The following DMD variants were observed in gnomAD, a reference collection of about 807,000 sequenced individuals.
DMD encodes the protein mutant dystrophin.
In DMD, 63 loss-of-function variants were observed where a neutral mutation model predicts 330.1. That is an observed-to-expected ratio of 0.19 (90% CI 0.16 to 0.24). DMD has a LOEUF of 0.24. Ranked by LOEUF, DMD falls within the 10% of genes least tolerant of loss-of-function variation. The probability of loss-of-function intolerance (pLI) is 1.00; values close to 1 mark genes in which losing one functional copy is unlikely to be tolerated. For synonymous variants in DMD, 1,223 were observed against 959.8 expected (o/e 1.27, Z -5.07); for missense variants, 3,344 against 2,684.1 (o/e 1.25, Z -5.43).
At chrX:32,895,621 TG>T (rs929847115) in intron 2 of DMD, among the ~76,000 whole-genome samples, 2 of 111,450 alleles carry the variant, frequency 1.8e-5, no homozygotes, top group African/African-American at 6.5e-5. Context: ...CCCATTCCAA[TG>T]GGACATAGTT....
At chrX:33,220,042 A>G (rs1480153663) in intron 1 of DMD, among the ~76,000 whole-genome samples, 1 of 111,734 alleles carries the variant, frequency 8.9e-6, no homozygotes, top group African/African-American at 3.3e-5. Context: ...ATGTTGGAAT[A>G]GCAATAGAAA....
chrX:32,923,232 C>T (rs746795612), intron 2 of DMD, among the ~76,000 whole-genome samples: 2 of 110,804 alleles, frequency 1.8e-5, no homozygotes, highest in South Asian at 7.6e-4. Context: ...ATTATCAAAC[C>T]CCATTATGAG....
At chrX:32,648,713 A>G (rs1165589203) in intron 9 of DMD, among the ~76,000 whole-genome samples, 1 of 112,287 alleles carries the variant, frequency 8.9e-6, no homozygotes, top group African/African-American at 3.2e-5. Context: ...CCTTGGAATA[A>G]AAGACATTTT....
chrX:32,189,099 T>A (rs1425278064), intron 44 of DMD, among the ~76,000 whole-genome samples: 1 of 110,937 alleles, frequency 9.0e-6, no homozygotes, highest in South Asian at 3.7e-4. Context: ...AAAGTATTTT[T>A]AAAATTATTT....
At chrX:32,547,134 C>T (rs917428999) in intron 16 of DMD, among the ~76,000 whole-genome samples, 3 of 111,015 alleles carry the variant, frequency 2.7e-5, no homozygotes, top group African/African-American at 9.8e-5. Flanking sequence ...TAATATTTTG[C>T]AGATTAAGAA....
At chrX:32,013,709 A>C (rs978769772) in intron 44 of DMD, among the ~76,000 whole-genome samples, 22 of 112,234 alleles carry the variant, frequency 2.0e-4, no homozygotes, top group East Asian at 8.4e-4. Context: ...AAAAGATAAG[A>C]TATTGATCAC....
At chrX:31,710,142 T>C (rs1204102519) in intron 52 of DMD, among the ~76,000 whole-genome samples, 2 of 111,625 alleles carry the variant, frequency 1.8e-5, no homozygotes, top group African/African-American at 6.5e-5. Flanking sequence ...CTAGAAATCT[T>C]TGTGGGAAAT....
At chrX:33,217,159 A>G (rs1454994552) in intron 1 of DMD, among the ~76,000 whole-genome samples, 1 of 111,365 alleles carries the variant, frequency 9.0e-6, no homozygotes, top group Non-Finnish European at 1.9e-5. Flanking sequence ...TGTTACCCAT[A>G]TTATAAGGCA....
At chrX:32,117,374 C>T (rs945958600) in intron 44 of DMD, among the ~76,000 whole-genome samples, 11 of 111,690 alleles carry the variant, frequency 9.8e-5, no homozygotes, top group Non-Finnish European at 2.1e-4. Context: ...TCATTTGATA[C>T]AAGCAAAGGT....
chrX:31,194,382 T>C lies in DMD; in HGVS notation c.9807+9579A>G, dbSNP rs201619841. On this transcript the variant is annotated intron_variant, in intron 67 of 78. Coordinates refer to ENST00000357033, the MANE Select transcript of DMD (RefSeq NM_004006.3). ...AGGGTATTGCTGGATTGCTGTTAAATTTGTGTGTAACGATAGCATTGCAGT... is the reference window on the plus strand; with the variant it reads ...AGGGTATTGCTGGATTGCTGTTAAACTTGTGTGTAACGATAGCATTGCAGT... Among the ~76,000 whole-genome samples the C allele has an allele frequency of 1.3e-4, 15 of 112,166 alleles. No individual in the cohort carries two copies. In the East Asian group the frequency reaches 3.4e-3, roughly 25 times the overall value.
At chrX:31,254,560 T>A (rs774294432) in intron 63 of DMD, among the ~76,000 whole-genome samples, 25 of 110,995 alleles carry the variant, frequency 2.3e-4, no homozygotes, top group African/African-American at 8.2e-4. Context: ...AGACGGGGTT[T>A]CACCACGTTG....
intron 47 of DMD, among the ~76,000 whole-genome samples, chrX:31,886,813 A>G (rs925415066): frequency 8.9e-6 from 1 of 111,961 alleles, no homozygotes; most frequent in African/African-American, 3.2e-5. Flanking sequence ...CAGAGATTTT[A>G]CTTTTAAAAT....
At chrX:31,671,512 T>C (rs2081788904) in intron 53 of DMD, among the ~76,000 whole-genome samples, 2 of 112,421 alleles carry the variant, frequency 1.8e-5, no homozygotes, top group Admixed American at 1.9e-4. Context: ...GTAGCTTGTT[T>C]TCTTGTGATA....
chrX:31,549,093 T>C (rs1044594733), intron 55 of DMD, among the ~76,000 whole-genome samples: 5 of 111,856 alleles, frequency 4.5e-5, no homozygotes, highest in Middle Eastern at 4.6e-3. Context: ...GTATGGATTA[T>C]TGAAATTGTG....
rs1421804093 is a variant in DMD at position 31,743,218 on chromosome X, G to A, written c.7543-13470C>T. Among the ~76,000 whole-genome samples, 12 of 112,514 alleles carry A rather than the reference G, an allele frequency of 1.1e-4. No homozygotes were observed. The Admixed American group carries it at 1.1e-3, about 11-fold the overall frequency. On this transcript the variant is annotated intron_variant, in intron 51 of 78. Coordinates refer to ENST00000357033, the MANE Select transcript of DMD (RefSeq NM_004006.3). ...AATGACAGATGCTGCTGACGCTGTA[G>A]AGAAGAGGGAACTCTGATACACTGT...
At chrX:31,208,901 C>T (rs1316132569) in intron 65 of DMD, among the ~76,000 whole-genome samples, 1 of 110,289 alleles carries the variant, frequency 9.1e-6, no homozygotes, top group Non-Finnish European at 1.9e-5. Context: ...CAATCCAAAA[C>T]AAACAATTGT....
intron 7 of DMD, among the ~76,000 whole-genome samples, chrX:32,785,813 C>T (rs1174620098): frequency 9.0e-6 from 1 of 111,289 alleles, no homozygotes; most frequent in East Asian, 2.8e-4. Flanking sequence ...GAGCTTATGT[C>T]TCATTTTTAT....
In DMD at chrX:32,384,860, G is replaced by C. The variant is rs200560650; in HGVS notation, c.4674+1450C>G. Among the ~76,000 whole-genome samples the C allele has an allele frequency of 4.8e-4, 53 of 111,024 alleles. No homozygotes were observed. In the East Asian group the frequency reaches 0.014, roughly 29 times the overall value. ...TCCTCCAAGAAATTCAGTTCTTTCA[G>C]TCAGAACGAAATTAAAATGTTAGAA... On this transcript the variant is annotated intron_variant, in intron 33 of 78. Coordinates refer to ENST00000357033, the MANE Select transcript of DMD (RefSeq NM_004006.3).
chrX:32,787,918 A>T (rs933370844), intron 7 of DMD, among the ~76,000 whole-genome samples: 2 of 111,712 alleles, frequency 1.8e-5, no homozygotes, highest in Non-Finnish European at 3.8e-5. Context: ...GTTATTTGAC[A>T]TAACTTTAGC....
Sources: allele counts gnomAD v4.1 joint callset (sites outside exome capture counted in the v4.1 genomes callset), GRCh38; gene constraint gnomAD v4.1.1; transcripts MANE v1.5; gene names NCBI Gene and HGNC (gene_info 2026-07-23, HGNC 2026-07-21).